STAG1: variants seen among roughly 807,000 people sequenced by gnomAD.
STAG1 encodes the protein STAG1 cohesin complex component, also known as cohesin subunit SA-1.
In STAG1, 26 loss-of-function variants were observed where a neutral mutation model predicts 170.9. That is an observed-to-expected ratio of 0.15 (90% CI 0.11 to 0.21). The LOEUF (loss-of-function observed/expected upper bound fraction) is 0.21. Ranked by LOEUF, STAG1 falls within the 10% of genes least tolerant of loss-of-function variation. The pLI, the probability that STAG1 is intolerant of heterozygous loss-of-function variation, is 1.00. For synonymous variants in STAG1, 514 were observed against 497.7 expected, an observed-to-expected ratio of 1.03 and a Z score of -0.44; for missense variants, 964 against 1,509.5, an observed-to-expected ratio of 0.64 and a Z score of 5.99.
chr3:136,639,349 G>C (rs1198301469), intron 1 of STAG1, among the ~76,000 whole-genome samples: 1 of 151,872 alleles, frequency 6.6e-6, no homozygotes, highest in African/African-American at 2.4e-5. Flanking sequence ...AAGAAAAAAG[G>C]AAAGTAAATT....
intron 24 of STAG1, 31 bp downstream of exon 24, chr3:136,369,077 T>C: frequency 1.4e-6 from 2 of 1,435,452 alleles, no homozygotes; most frequent in Non-Finnish European, 9.2e-7. Flanking sequence ...TAAAAAAAAA[T>C]CAATATTGAC....
At chr3:136,613,765 G>A (rs1939438232) in intron 3 of STAG1, among the ~76,000 whole-genome samples, 1 of 152,170 alleles carries the variant, frequency 6.6e-6, no homozygotes, top group Non-Finnish European at 1.5e-5. Context: ...TAGAATTACA[G>A]GTGTGCGCCA....
At chr3:136,366,605 C>A (rs1937081676) in intron 25 of STAG1, among the ~76,000 whole-genome samples, 1 of 152,068 alleles carries the variant, frequency 6.6e-6, no homozygotes, top group South Asian at 2.1e-4. Context: ...AAGAACAAGG[C>A]AAATACAGGA....
intron 1 of STAG1, among the ~76,000 whole-genome samples, chr3:136,655,080 G>C (rs949652427): frequency 1.3e-5 from 2 of 152,116 alleles, no homozygotes; most frequent in African/African-American, 4.8e-5. Context: ...ATTAGGTTTG[G>C]CAATGATTTC....
intron 30 of STAG1, among the ~76,000 whole-genome samples, chr3:136,342,222 TGTTA>T (rs879744673): frequency 9.2e-5 from 14 of 151,986 alleles, no homozygotes; most frequent in South Asian, 2.1e-4. Flanking sequence ...GGTTTCACCA[TGTTA>T]GTTAGGATGG....
chr3:136,445,762 C>T (rs1411252181), intron 14 of STAG1, among the ~76,000 whole-genome samples: 1 of 152,144 alleles, frequency 6.6e-6, no homozygotes, highest in African/African-American at 2.4e-5. Context: ...CCTCTTAATG[C>T]TTTTGGTCTT....
intron 4 of STAG1, among the ~76,000 whole-genome samples, chr3:136,596,599 A>G (rs1938440345): frequency 2.0e-5 from 3 of 152,196 alleles, no homozygotes; most frequent in Non-Finnish European, 4.4e-5. Flanking sequence ...ATCTTTTCAG[A>G]AAGTAATCAA....
At chr3:136,445,049 G>A (rs1002944287) in intron 14 of STAG1, among the ~76,000 whole-genome samples, 7 of 146,860 alleles carry the variant, frequency 4.8e-5, no homozygotes, top group African/African-American at 1.8e-4. Context: ...TTGTAGAGAC[G>A]GGGTTACCAT....
chr3:136,463,944 G>A (rs1253041886), intron 13 of STAG1, among the ~76,000 whole-genome samples: 1 of 148,164 alleles, frequency 6.7e-6, no homozygotes, highest in Non-Finnish European at 1.5e-5. Context: ...TAAAGAATGA[G>A]TTAATCTACT....
At chr3:136,460,776 T>A (rs2089252240) in intron 13 of STAG1, among the ~76,000 whole-genome samples, 1 of 151,876 alleles carries the variant, frequency 6.6e-6, no homozygotes, top group Non-Finnish European at 1.5e-5. Flanking sequence ...CTACTCAAAC[T>A]ATTCCAGAAA....
At chr3:136,562,345 C>T (rs1011150679) in intron 5 of STAG1, among the ~76,000 whole-genome samples, 1 of 151,900 alleles carries the variant, frequency 6.6e-6, no homozygotes, top group African/African-American at 2.4e-5. Flanking sequence ...ACTGCAACCT[C>T]CGCCTCCTGG....
At chr3:136,365,532 C>T (rs931263952) in intron 25 of STAG1, among the ~76,000 whole-genome samples, 6 of 152,068 alleles carry the variant, frequency 3.9e-5, no homozygotes, top group African/African-American at 1.4e-4. Flanking sequence ...GCCTGGGATC[C>T]ACCCTAAATA....
In STAG1 at chr3:136,621,112, G is replaced by A. The variant is rs1218356658; in HGVS notation, c.132+2034C>T. ...CACTGCACTGCACTCCAGCCTGGGC[G>A]ACAGAGTAAGGTTCCGTCTCAAAAA... On this transcript the variant is annotated intron_variant, in intron 3 of 33. Transcript: ENST00000383202. 7.9e-5 allele frequency among the ~76,000 whole-genome samples: 12 copies of A among 151,698 alleles called. No homozygotes were observed. The South Asian group carries it at 8.3e-4, about 11-fold the overall frequency.
intron 1 of STAG1, among the ~76,000 whole-genome samples, chr3:136,674,206 G>A (rs1463127036): frequency 3.4e-5 from 5 of 147,404 alleles, no homozygotes; most frequent in East Asian, 2.0e-4. Flanking sequence ...AGGGAAGGAG[G>A]GAGGGATTAA....
intron 14 of STAG1, among the ~76,000 whole-genome samples, chr3:136,445,044 G>C (rs1412909867): frequency 7.2e-6 from 1 of 138,052 alleles, no homozygotes; most frequent in Non-Finnish European, 1.6e-5. Flanking sequence ...TTTTTTTGTA[G>C]AGACGGGGTT....
chr3:136,719,771 T>A (rs1442508354), intron 1 of STAG1, among the ~76,000 whole-genome samples: 1 of 152,018 alleles, frequency 6.6e-6, no homozygotes, highest in East Asian at 1.9e-4. Flanking sequence ...CAATCTAGGA[T>A]GGACTGCAAA....
At chr3:136,692,516 T>G (rs1942760725) in intron 1 of STAG1, among the ~76,000 whole-genome samples, 1 of 151,620 alleles carries the variant, frequency 6.6e-6, no homozygotes, top group Non-Finnish European at 1.5e-5. Context: ...ATGCCTGTAA[T>G]CCCAGCTACT....
chr3:136,730,922 T>C (rs996556268), intron 1 of STAG1, among the ~76,000 whole-genome samples: 1 of 152,202 alleles, frequency 6.6e-6, no homozygotes, highest in African/African-American at 2.4e-5. Flanking sequence ...AAAACACAGA[T>C]TGCTCATCCC....
intron 16 of STAG1, among the ~76,000 whole-genome samples, chr3:136,431,336 G>A (rs1009222559): frequency 6.6e-6 from 1 of 151,736 alleles, no homozygotes; most frequent in African/African-American, 2.4e-5. Flanking sequence ...GCAGTGGCAC[G>A]ATCTTGGCTC....
Sources: gnomAD v4.1 joint callset for allele counts (sites outside exome capture counted in the v4.1 genomes callset) on GRCh38, gnomAD v4.1.1 for gene constraint, MANE v1.5 for transcripts, NCBI Gene and HGNC (gene_info 2026-07-23, HGNC 2026-07-21) for gene names.